Variants in NAALADL2 observed in about 807,000 individuals in gnomAD.
NAALADL2 encodes the protein inactive N-acetylated-alpha-linked acidic dipeptidase-like protein 2.
In NAALADL2, 76 loss-of-function variants were observed where a neutral mutation model predicts 87.2. The observed-to-expected ratio is 0.87, with a 90% CI of 0.72 to 1.05. The LOEUF is 1.05. Ranked by LOEUF, NAALADL2 falls within the 50% of genes least tolerant of loss-of-function variation. NAALADL2 has a pLI of 0.00. For missense variants in NAALADL2, 1,089 were observed against 945.8 expected (o/e 1.15, Z -1.99); for synonymous variants, 354 against 331.0 (o/e 1.07, Z -0.75).
chr3:175,524,321 A>G (rs1167801714), intron 9 of NAALADL2, among the ~76,000 whole-genome samples: 1 of 152,172 alleles, frequency 6.6e-6, no homozygotes, highest in Non-Finnish European at 1.5e-5. Context: ...CAAGGTTTCT[A>G]AACAGTGACA....
At chr3:175,392,074 G>T (rs1430168243) in intron 5 of NAALADL2, among the ~76,000 whole-genome samples, 1 of 152,168 alleles carries the variant, frequency 6.6e-6, no homozygotes. Flanking sequence ...CAGTTTCTAA[G>T]AAACAGCGTC....
chr3:175,175,370 A>C (rs560517813), intron 2 of NAALADL2, among the ~76,000 whole-genome samples: 1 of 152,088 alleles, frequency 6.6e-6, no homozygotes, highest in Non-Finnish European at 1.5e-5. Context: ...TTCAGTATTA[A>C]ACAACTTTTT....
At chr3:174,446,426 T>C (rs1577929931) in intron 1 of NAALADL2, among the ~76,000 whole-genome samples, 1 of 152,196 alleles carries the variant, frequency 6.6e-6, no homozygotes, top group Non-Finnish European at 1.5e-5. Context: ...TGAAATTCTT[T>C]AGTTTTAGGA....
intron 2 of NAALADL2, among the ~76,000 whole-genome samples, chr3:174,609,363 G>A (rs1238981017): frequency 6.6e-6 from 1 of 151,998 alleles, no homozygotes; most frequent in Non-Finnish European, 1.5e-5. Context: ...AGGAAAAGAG[G>A]AAGTCAAATT....
intron 3 of NAALADL2, among the ~76,000 whole-genome samples, chr3:174,797,305 CTTTTT>C (rs1160338109): frequency 5.9e-4 from 43 of 72,710 alleles, no homozygotes; most frequent in African/African-American, 2.8e-3. Context: ...TTTCTTTTTT[CTTTTT>C]TTTTTTTTTT....
intron 1 of NAALADL2, among the ~76,000 whole-genome samples, chr3:174,528,749 C>T (rs781670537): frequency 2.6e-5 from 4 of 152,156 alleles, no homozygotes; most frequent in Non-Finnish European, 4.4e-5. Context: ...CACATGGTGG[C>T]AGATAAGAGA....
At chr3:175,070,901 C>T (rs1453328391) in intron 1 of NAALADL2, among the ~76,000 whole-genome samples, 1 of 151,898 alleles carries the variant, frequency 6.6e-6, no homozygotes, top group Non-Finnish European at 1.5e-5. Flanking sequence ...CTGTGCTTTC[C>T]TATGTTTGTG....
At chr3:175,090,893 T>C (rs1367748753) in intron 1 of NAALADL2, among the ~76,000 whole-genome samples, 2 of 151,984 alleles carry the variant, frequency 1.3e-5, no homozygotes, top group East Asian at 3.9e-4. Flanking sequence ...ATGTACAAAA[T>C]TGCAATTAAA....
chr3:175,305,424 A>G, intron 4 of NAALADL2, among the ~76,000 whole-genome samples: 1 of 152,122 alleles, frequency 6.6e-6, no homozygotes, highest in East Asian at 1.9e-4. Flanking sequence ...GTGTAATGCT[A>G]TTTATGAATT....
At chr3:175,477,272 C>A (rs1287065975) in intron 9 of NAALADL2, among the ~76,000 whole-genome samples, 4 of 152,112 alleles carry the variant, frequency 2.6e-5, no homozygotes, top group Non-Finnish European at 5.9e-5. Flanking sequence ...TCTTTTAGAA[C>A]AGATGTTACT....
intron 2 of NAALADL2, chr3:175,218,238 A>T: frequency 3.2e-6 from 1 of 308,950 alleles, no homozygotes; most frequent in Non-Finnish European, 6.5e-6. Flanking sequence ...TAGTCAAAGG[A>T]TACTTATTAA....
chr3:175,472,332 G>A (rs1194481027), intron 9 of NAALADL2, among the ~76,000 whole-genome samples: 2 of 151,974 alleles, frequency 1.3e-5, no homozygotes, highest in African/African-American at 4.8e-5. Flanking sequence ...AAAATATTTT[G>A]TCACTTCTCG....
At chr3:174,640,897 A>G (rs892160313) in intron 2 of NAALADL2, among the ~76,000 whole-genome samples, 4 of 152,168 alleles carry the variant, frequency 2.6e-5, no homozygotes, top group Non-Finnish European at 5.9e-5. Flanking sequence ...CCATGAAAAA[A>G]AGTCACCTGA....
chr3:175,332,679 A>C (rs2161044), intron 5 of NAALADL2, among the ~76,000 whole-genome samples: 38,469 of 152,136 alleles, frequency 0.25, 5,853 homozygotes, highest in East Asian at 0.5. Flanking sequence ...AATTTTCTAC[A>C]TGCTGATGAG....
chr3:175,012,937 A>G (rs1320691987), intron 1 of NAALADL2, among the ~76,000 whole-genome samples: 2 of 147,038 alleles, frequency 1.4e-5, no homozygotes, highest in East Asian at 2.0e-4. Context: ...ATTTTATATT[A>G]CTTTTGTCCA....
chr3:175,451,956 A>C (rs980227534), intron 6 of NAALADL2, among the ~76,000 whole-genome samples: 6 of 152,162 alleles, frequency 3.9e-5, no homozygotes, highest in Non-Finnish European at 8.8e-5. Flanking sequence ...TAGTTACTTG[A>C]AACAATGCAT....
chr3:174,998,304 T>C (rs1044052827), intron 1 of NAALADL2, among the ~76,000 whole-genome samples: 2 of 152,160 alleles, frequency 1.3e-5, no homozygotes, highest in African/African-American at 4.8e-5. Context: ...AAACTCATAT[T>C]CCCATCCCAC....
intron 11 of NAALADL2, among the ~76,000 whole-genome samples, chr3:175,650,848 A>G (rs1237041502): frequency 6.6e-6 from 1 of 152,230 alleles, no homozygotes; most frequent in African/African-American, 2.4e-5. Flanking sequence ...TTAGGGTGTT[A>G]TAACATGGTA....
At chr3:175,565,289 T>G (rs577852994) in intron 9 of NAALADL2, among the ~76,000 whole-genome samples, 1 of 152,216 alleles carries the variant, frequency 6.6e-6, no homozygotes, top group Admixed American at 6.5e-5. Flanking sequence ...TGCATTATCA[T>G]CTAATATGAT....
Sources: allele counts gnomAD v4.1 joint callset (sites outside exome capture counted in the v4.1 genomes callset), GRCh38; gene constraint gnomAD v4.1.1; transcripts MANE v1.5; gene names NCBI Gene and HGNC (gene_info 2026-07-23, HGNC 2026-07-21).